CLEC16A: variants seen among roughly 807,000 people sequenced by gnomAD.
CLEC16A encodes the protein protein CLEC16A.
Under a neutral mutation model 109.5 loss-of-function variants are expected in CLEC16A, and 51 were observed. That is an observed-to-expected ratio of 0.47 (90% CI 0.37 to 0.59). The LOEUF is 0.59. CLEC16A is among the 20% of genes least tolerant of loss of function. The pLI is 0.00. For missense variants in CLEC16A, 1,339 were observed against 1,394.0 expected (o/e 0.96, Z 0.63); for synonymous variants, 673 against 564.2 (o/e 1.19, Z -2.73).
At chr16:11,034,531 C>A (rs145124404) in intron 13 of CLEC16A, among the ~76,000 whole-genome samples, 9 of 152,138 alleles carry the variant, frequency 5.9e-5, no homozygotes, top group African/African-American at 1.7e-4. Context: ...CCACACCCTT[C>A]CCTTCTGTTT....
chr16:11,087,829 A>T lies in CLEC16A; in HGVS notation c.2116+26807A>T, dbSNP rs114907804. Among the ~76,000 whole-genome samples the T allele has an allele frequency of 4.7e-3, 709 of 152,342 alleles. 10 individuals carry two copies. Among genetic ancestry groups the T allele is most frequent in the African/African-American group, 0.016 (683 of 41,576 alleles). On this transcript the variant is annotated intron_variant, in intron 19 of 23. Coordinates refer to ENST00000409790, the MANE Select transcript of CLEC16A (RefSeq NM_015226.3). The stretch of plus-strand genomic sequence containing the variant: ...ACGGGGCTTGCCCAGGTCGCTGGCC[A>T]GGTCACTGTGCTGCTTCCACACAAG...
intron 10 of CLEC16A, among the ~76,000 whole-genome samples, chr16:10,983,717 T>C (rs4781029): frequency 0.14 from 20,850 of 151,982 alleles, 1,439 homozygotes; most frequent in East Asian, 0.24. Context: ...CCTGCTCACA[T>C]GTCCTGAGCT....
intron 22 of CLEC16A, among the ~76,000 whole-genome samples, chr16:11,143,091 C>T (rs561785875): frequency 6.6e-6 from 1 of 152,366 alleles, no homozygotes; most frequent in South Asian, 2.1e-4. Flanking sequence ...GGATTACAGG[C>T]ATGACCCACT....
chr16:11,065,092 G>A (rs1337357078), intron 19 of CLEC16A, among the ~76,000 whole-genome samples: 3 of 152,230 alleles, frequency 2.0e-5, no homozygotes, highest in African/African-American at 4.8e-5. Context: ...CAGAGGAAGG[G>A]AGCTGTATCC....
chr16:11,125,050 C>T (rs1231321285), intron 21 of CLEC16A, among the ~76,000 whole-genome samples: 1 of 152,154 alleles, frequency 6.6e-6, no homozygotes, highest in Non-Finnish European at 1.5e-5. Flanking sequence ...GATTGCACCA[C>T]TGCACTCCAT....
At chr16:10,946,125 G>A (rs1408985388) in intron 1 of CLEC16A, among the ~76,000 whole-genome samples, 2 of 152,164 alleles carry the variant, frequency 1.3e-5, no homozygotes, top group African/African-American at 4.8e-5. Flanking sequence ...GCTGAAGAGG[G>A]GAGTAGACAA....
rs572936563 is a variant in CLEC16A at position 10,989,522 on chromosome 16, A to G, written c.1071+6531A>G. 4.6e-5 allele frequency among the ~76,000 whole-genome samples: 7 copies of G among 152,326 alleles called. No homozygotes were observed. The East Asian group carries it at 7.7e-4, about 17-fold the overall frequency. ...AGTGCTGGGATTACAGGCATGAGCC[A>G]TCACACCCAGCTGGAAAGTATAAAT... On this transcript the variant is annotated intron_variant, in intron 10 of 23. Coordinates refer to ENST00000409790, the MANE Select transcript of CLEC16A (RefSeq NM_015226.3).
chr16:11,037,784 A>AC (rs1283968798), intron 13 of CLEC16A, among the ~76,000 whole-genome samples: 1 of 54,594 alleles, frequency 1.8e-5, no homozygotes, highest in Non-Finnish European at 4.0e-5. Flanking sequence ...CCCCACCCCC[A>AC]CCCCCACCCC....
intron 10 of CLEC16A, among the ~76,000 whole-genome samples, chr16:10,986,849 G>C (rs2043697398): frequency 6.7e-6 from 1 of 148,632 alleles, no homozygotes; most frequent in South Asian, 2.1e-4. Flanking sequence ...TTTTTTTTTG[G>C]TGTGTTTTGT....
chr16:11,130,900 G>A (rs1282692626), intron 22 of CLEC16A, among the ~76,000 whole-genome samples: 1 of 152,316 alleles, frequency 6.6e-6, no homozygotes, highest in Admixed American at 6.5e-5. Context: ...CCCTTTAGAA[G>A]CTATAAACGA....
Position 11,178,606 on chromosome 16 carries a change from G to C in CLEC16A, c.3078G>C (p.Pro1026=). 6.2e-7 allele frequency: 1 copy of C among 1,605,262 alleles called. No individual in the cohort carries two copies. Among genetic ancestry groups the C allele is most frequent in the Non-Finnish European group, 8.5e-7 (1 of 1,178,428 alleles). The change falls in exon 24 of 24, where the codon CCG becomes CCC. Residue 1026 remains proline, a synonymous_variant. Coordinates refer to ENST00000409790, the MANE Select transcript of CLEC16A (RefSeq NM_015226.3). The surrounding 1 kb of genome is among the most constrained non-coding windows in gnomAD (Gnocchi z 6.5). ...TCCGCAGCCTCACCGGCATGCCCCCGCTGTCCACGCCGGCTGCCGCCTGCA... is the reference window on the plus strand; with the variant it reads ...TCCGCAGCCTCACCGGCATGCCCCCCCTGTCCACGCCGGCTGCCGCCTGCA... ...HSLRSLTGMP[P]LSTPAAACTE...
chr16:11,047,237 G>T, intron 16 of CLEC16A, 55 bp from the exon 17 acceptor site: 3 of 1,487,418 alleles, frequency 2.0e-6, no homozygotes, highest in South Asian at 1.2e-5. Context: ...ATACTCTGTT[G>T]TTTATGGAAA....
At chr16:11,049,351 C>G (rs2047810076) in intron 17 of CLEC16A, among the ~76,000 whole-genome samples, 1 of 152,078 alleles carries the variant, frequency 6.6e-6, no homozygotes. Flanking sequence ...TACCTCATAG[C>G]CACCCAGGCT....
At chr16:11,018,300 A>G (rs1158301714) in intron 11 of CLEC16A, among the ~76,000 whole-genome samples, 1 of 151,850 alleles carries the variant, frequency 6.6e-6, no homozygotes, top group Non-Finnish European at 1.5e-5. Flanking sequence ...AAAAAAAAAA[A>G]AAAAACAGGT....
At chr16:11,153,633 C>G (rs2054383418) in intron 22 of CLEC16A, among the ~76,000 whole-genome samples, 1 of 151,088 alleles carries the variant, frequency 6.6e-6, no homozygotes, top group South Asian at 2.1e-4. Context: ...CTCCTTTCTT[C>G]TTGACGCACA....
intron 13 of CLEC16A, among the ~76,000 whole-genome samples, chr16:11,036,540 T>G (rs1332497730): frequency 7.4e-5 from 9 of 121,976 alleles, no homozygotes; most frequent in Admixed American, 2.4e-4. Flanking sequence ...TTGTTCTAAT[T>G]TTCCTTTTTT....
intron 19 of CLEC16A, among the ~76,000 whole-genome samples, chr16:11,087,187 A>G (rs1240536698): frequency 2.6e-5 from 4 of 152,152 alleles, no homozygotes; most frequent in Admixed American, 2.6e-4. Context: ...GCCATCTAAA[A>G]CCATCTTAGG....
chr16:11,051,654 A>G lies in CLEC16A; in HGVS notation c.1995+13A>G. On this transcript the variant is annotated intron_variant, in intron 18 of 23. Transcript: ENST00000409790. ...GAAGACCCGGCGGGTGAGTGAGCAC[A>G]GGACCTGTCATCTCCTGGGCCACTG... 6.2e-7 allele frequency: 1 copy of G among 1,611,460 alleles called. No individual in the cohort carries two copies. The highest frequency in any genetic ancestry group is 8.5e-7 in the Non-Finnish European group (1 of 1,177,746).
In CLEC16A at chr16:10,959,854, T is replaced by G. The variant is rs546317715; in HGVS notation, c.209+1944T>G. ...TCTCAAACTCCTGAGCTCAAACGAT[T>G]CTTCCTCCTCAGCCTCCCAACATGC... On this transcript the variant is annotated intron_variant, in intron 2 of 23. Transcript: ENST00000409790. 4.0e-5 allele frequency among the ~76,000 whole-genome samples: 6 copies of G among 151,696 alleles called. No individual in the cohort carries two copies. In the South Asian group the frequency reaches 8.3e-4, roughly 21 times the overall value.
Sources: allele counts gnomAD v4.1 joint callset (sites outside exome capture counted in the v4.1 genomes callset), GRCh38; gene constraint gnomAD v4.1.1; non-coding constraint Gnocchi (gnomAD v3.1); transcripts MANE v1.5; gene names NCBI Gene and HGNC (gene_info 2026-07-23, HGNC 2026-07-21).